The following SLC35F4 variants were observed in gnomAD, a reference collection of about 807,000 sequenced individuals.
SLC35F4 encodes the protein solute carrier family 35 member F4, also known as chromosome 14 open reading frame 36.
A neutral mutation model predicts 44.2 loss-of-function variants in SLC35F4; 24 were observed. The observed-to-expected ratio is 0.54, with a 90% confidence interval of 0.39 to 0.76. The LOEUF is 0.76. Ranked by LOEUF, SLC35F4 falls within the 30% of genes least tolerant of loss-of-function variation. The pLI is 0.00. For synonymous variants in SLC35F4, 238 were observed against 223.6 expected (o/e 1.06, Z -0.57); for missense variants, 562 against 586.1 (o/e 0.96, Z 0.42).
At chr14:57,750,375 T>C (rs974829818) in intron 1 of SLC35F4, among the ~76,000 whole-genome samples, 2 of 152,200 alleles carry the variant, frequency 1.3e-5, no homozygotes, top group East Asian at 1.9e-4. Flanking sequence ...ATCTTTGATA[T>C]ATTGATTACT....
intron 1 of SLC35F4, among the ~76,000 whole-genome samples, chr14:57,966,116 TG>T (rs1890433059): frequency 6.6e-6 from 1 of 152,226 alleles, no homozygotes; most frequent in African/African-American, 2.4e-5. Flanking sequence ...AGTTCTTTCA[TG>T]ACGCTGATGC....
intron 3 of SLC35F4, among the ~76,000 whole-genome samples, chr14:57,581,651 C>G (rs1185607109): frequency 2.6e-5 from 4 of 152,274 alleles, no homozygotes; most frequent in Non-Finnish European, 5.9e-5. Flanking sequence ...GAGTTAGGCT[C>G]TCTTCTCTGA....
intron 1 of SLC35F4, among the ~76,000 whole-genome samples, chr14:57,780,939 T>A (rs2077604809): frequency 6.6e-6 from 1 of 151,986 alleles, no homozygotes; most frequent in African/African-American, 2.4e-5. Flanking sequence ...AAAACTTAAA[T>A]GTAAAACCCA....
chr14:57,568,833 C>T (rs1321154174), intron 6 of SLC35F4, among the ~76,000 whole-genome samples: 1 of 152,028 alleles, frequency 6.6e-6, no homozygotes, highest in Non-Finnish European at 1.5e-5. Context: ...GAGTTGACCT[C>T]TGAGTAGCAC....
chr14:57,610,391 G>A (rs962989079), intron 1 of SLC35F4, among the ~76,000 whole-genome samples: 1 of 152,140 alleles, frequency 6.6e-6, no homozygotes, highest in African/African-American at 2.4e-5. Context: ...TGGGAAACTG[G>A]TCAAGACCAG....
intron 1 of SLC35F4, among the ~76,000 whole-genome samples, chr14:57,690,029 A>T (rs2075183599): frequency 6.6e-6 from 1 of 151,898 alleles, no homozygotes; most frequent in African/African-American, 2.4e-5. Flanking sequence ...ATCTTTGCAC[A>T]CTCTCTCTTT....
intron 1 of SLC35F4, among the ~76,000 whole-genome samples, chr14:57,954,209 A>G (rs528071736): frequency 1.3e-5 from 2 of 152,326 alleles, no homozygotes; most frequent in South Asian, 4.2e-4. Flanking sequence ...AGCAGAAATA[A>G]ATAAGTTCTT....
chr14:57,664,918 G>C (rs1020390973), intron 1 of SLC35F4, among the ~76,000 whole-genome samples: 2 of 152,078 alleles, frequency 1.3e-5, no homozygotes, highest in Non-Finnish European at 2.9e-5. Flanking sequence ...GCCTAACCAA[G>C]CAATGAGAGT....
intron 4 of SLC35F4, among the ~76,000 whole-genome samples, chr14:57,576,684 CA>C (rs1216802450): frequency 4.6e-5 from 7 of 152,090 alleles, no homozygotes; most frequent in Admixed American, 4.6e-4. Flanking sequence ...CTGTGTGTGA[CA>C]GGGGGAAGGG....
At chr14:57,612,575 GCTT>G (rs1566682558) in intron 1 of SLC35F4, among the ~76,000 whole-genome samples, 1 of 152,182 alleles carries the variant, frequency 6.6e-6, no homozygotes, top group Non-Finnish European at 1.5e-5. Context: ...CTGGCTGTCA[GCTT>G]CTTAATAGTC....
chr14:57,677,470 A>T (rs1319214), intron 1 of SLC35F4, among the ~76,000 whole-genome samples: 2 of 151,736 alleles, frequency 1.3e-5, no homozygotes, highest in African/African-American at 4.9e-5. Context: ...AAGCAAGTAT[A>T]GTAATGTGTT....
intron 1 of SLC35F4, among the ~76,000 whole-genome samples, chr14:57,931,953 G>A (rs564460948): frequency 6.6e-5 from 10 of 152,326 alleles, no homozygotes; most frequent in Non-Finnish European, 1.5e-4. Context: ...TAGACTTAAA[G>A]CAATACAGGA....
intron 1 of SLC35F4, among the ~76,000 whole-genome samples, chr14:57,789,529 C>T (rs369212692): frequency 1.2e-4 from 18 of 152,076 alleles, no homozygotes; most frequent in South Asian, 6.2e-4. Context: ...AAAAAAGCCC[C>T]GGACCAGATG....
At position 57,594,704 on chromosome 14, in the gene SLC35F4, C is replaced by T. The variant is rs117613900; in HGVS notation, c.104-580G>A. Among the ~76,000 whole-genome samples the T allele has an allele frequency of 1.7e-3, 263 of 152,298 alleles. 2 individuals are homozygous for T. The highest frequency in any genetic ancestry group is 6.8e-3 in the Middle Eastern group (2 of 294). On this transcript the variant is annotated intron_variant, in intron 1 of 7. Coordinates refer to ENST00000556826, the MANE Select transcript of SLC35F4 (RefSeq NM_001306087.2). ...TCTACCCTTTTCTTCCTAAGGCTGTCGATTTCCTAACTGGTAAAACTGCCA... is the reference window on the plus strand; with the variant it reads ...TCTACCCTTTTCTTCCTAAGGCTGTTGATTTCCTAACTGGTAAAACTGCCA...
chr14:57,962,234 AG>A, intron 1 of SLC35F4, among the ~76,000 whole-genome samples: 1 of 152,336 alleles, frequency 6.6e-6, no homozygotes, highest in Admixed American at 6.5e-5. Flanking sequence ...TACAGTGAGA[AG>A]AAAAGTACTG....
chr14:57,659,376 C>T (rs1365153854), intron 1 of SLC35F4, among the ~76,000 whole-genome samples: 1 of 152,112 alleles, frequency 6.6e-6, no homozygotes, highest in Non-Finnish European at 1.5e-5. Flanking sequence ...GCCCTGAGGT[C>T]TCAGCAGTCA....
chr14:57,943,499 TTC>T (rs748743823), intron 1 of SLC35F4, among the ~76,000 whole-genome samples: 3 of 152,228 alleles, frequency 2.0e-5, no homozygotes, highest in Non-Finnish European at 4.4e-5. Context: ...TATATTTCCT[TTC>T]TCTCATATAG....
intron 1 of SLC35F4, among the ~76,000 whole-genome samples, chr14:57,839,530 A>G: frequency 6.6e-6 from 1 of 152,166 alleles, no homozygotes; most frequent in East Asian, 1.9e-4. Context: ...GAGCTGTATG[A>G]TGAGAACATA....
At chr14:57,727,989 C>T (rs1407789982) in intron 1 of SLC35F4, among the ~76,000 whole-genome samples, 1 of 152,138 alleles carries the variant, frequency 6.6e-6, no homozygotes, top group African/African-American at 2.4e-5. Flanking sequence ...GTGTTGAAAT[C>T]TCCAGATATT....
Sources: allele counts gnomAD v4.1 joint callset (sites outside exome capture counted in the v4.1 genomes callset), GRCh38; gene constraint gnomAD v4.1.1; transcripts MANE v1.5; gene names NCBI Gene and HGNC (gene_info 2026-07-23, HGNC 2026-07-21).